The following BBS9 variants were observed in gnomAD, a reference collection of about 807,000 sequenced individuals.
BBS9 encodes the protein protein PTHB1.
A neutral mutation model predicts 117.7 loss-of-function variants in BBS9; 89 were observed. The ratio of observed to expected loss-of-function variants is 0.76; its 90% confidence interval spans 0.64 to 0.90. The LOEUF is 0.90. Among genes scored for constraint, BBS9 ranks in the 40% least tolerant of loss-of-function variants. The pLI, the probability that BBS9 is intolerant of heterozygous loss-of-function variation, is 0.00. For synonymous variants in BBS9, 379 were observed against 370.9 expected, an observed-to-expected ratio of 1.02 and a Z score of -0.25; for missense variants, 982 against 1,042.2, an observed-to-expected ratio of 0.94 and a Z score of 0.80.
chr7:33,371,332 T>A (rs958008083), intron 17 of BBS9, among the ~76,000 whole-genome samples: 1 of 152,176 alleles, frequency 6.6e-6, no homozygotes, highest in Non-Finnish European at 1.5e-5. Flanking sequence ...TGGTCTAAGC[T>A]GCAGCCTGAT....
At chr7:33,235,183 G>A (rs1793246121) in intron 5 of BBS9, among the ~76,000 whole-genome samples, 1 of 151,964 alleles carries the variant, frequency 6.6e-6, no homozygotes, top group African/African-American at 2.4e-5. Flanking sequence ...TAGTTTAAGT[G>A]GCATCATTTA....
chr7:33,250,549 T>C (rs545780504), intron 5 of BBS9, among the ~76,000 whole-genome samples: 20 of 152,340 alleles, frequency 1.3e-4, no homozygotes, highest in Middle Eastern at 3.4e-3. Context: ...CCATTATCTG[T>C]AAGGGGAGCC....
chr7:33,165,563 C>T (rs529290043), intron 4 of BBS9, among the ~76,000 whole-genome samples: 47 of 151,690 alleles, frequency 3.1e-4, no homozygotes, highest in Non-Finnish European at 5.0e-4. Flanking sequence ...CTTCTCTTCT[C>T]GCTTTATGTC....
chr7:33,433,945 TGTA>T (rs1332133746), intron 19 of BBS9, among the ~76,000 whole-genome samples: 1 of 152,104 alleles, frequency 6.6e-6, no homozygotes, highest in Non-Finnish European at 1.5e-5. Flanking sequence ...AAGTTCATGT[TGTA>T]TATGCAGTTT....
chr7:33,395,387 A>G (rs930082093), intron 19 of BBS9, among the ~76,000 whole-genome samples: 4 of 152,178 alleles, frequency 2.6e-5, no homozygotes, highest in Admixed American at 2.6e-4. Context: ...AGCAAGACTG[A>G]TTGGTTGAGT....
intron 5 of BBS9, 178 bp downstream of exon 5, chr7:33,177,769 T>G (rs1583485389): frequency 1.7e-6 from 1 of 605,310 alleles, no homozygotes; most frequent in East Asian, 2.9e-5. Context: ...TGAATGTGCC[T>G]GATATCGTCT....
At chr7:33,622,078 C>T (rs1449534404) in intron 21 of BBS9, among the ~76,000 whole-genome samples, 1 of 152,104 alleles carries the variant, frequency 6.6e-6, no homozygotes, top group Non-Finnish European at 1.5e-5. Context: ...AGTGTGGTGG[C>T]ACGCACCTGT....
chr7:33,505,220 G>T (rs575312717), intron 19 of BBS9, among the ~76,000 whole-genome samples: 3 of 152,142 alleles, frequency 2.0e-5, no homozygotes, highest in African/African-American at 7.2e-5. Context: ...TCCCTGCTAA[G>T]CTTATTTTGT....
At chr7:33,579,869 AAAT>A (rs1399306962) in intron 21 of BBS9, among the ~76,000 whole-genome samples, 1 of 152,178 alleles carries the variant, frequency 6.6e-6, no homozygotes, top group African/African-American at 2.4e-5. Context: ...ACCAACCAAA[AAAT>A]GTAATCTATA....
rs116533028 is a variant in BBS9 at position 33,177,822 on chromosome 7, A to G, written c.442+231A>G. ...AGGGTCAGGCCTGGTTAGTACTTGG[A>G]TAGGAGACCAAATACCCAATCAAAA... On this transcript the variant is annotated intron_variant, in intron 5 of 22. Coordinates refer to ENST00000242067, the MANE Select transcript of BBS9 (RefSeq NM_198428.3). 551 of 491,918 alleles carry G rather than the reference A, an allele frequency of 1.1e-3. 2 individuals carry two copies. The highest frequency in any genetic ancestry group is 9.6e-3 in the African/African-American group (497 of 51,796). 30.5% of individuals were successfully genotyped at this position (491,918 alleles called of 1,614,324 possible). A position where few individuals can be genotyped will look rare whatever the true frequency, so the allele number is the denominator to read the frequency against.
At chr7:33,567,663 A>T (rs1401439928) in intron 21 of BBS9, among the ~76,000 whole-genome samples, 1 of 152,120 alleles carries the variant, frequency 6.6e-6, no homozygotes, top group Non-Finnish European at 1.5e-5. Flanking sequence ...CTCAATTTGA[A>T]TTCTCACCAG....
At chr7:33,510,995 T>A (rs952484181) in intron 20 of BBS9, among the ~76,000 whole-genome samples, 4 of 152,184 alleles carry the variant, frequency 2.6e-5, no homozygotes, top group African/African-American at 9.7e-5. Context: ...CCAGACACTT[T>A]TAGGAACAAG....
intron 19 of BBS9, among the ~76,000 whole-genome samples, chr7:33,467,337 C>T (rs369804442): frequency 7.9e-5 from 12 of 152,226 alleles, no homozygotes; most frequent in African/African-American, 2.9e-4. Flanking sequence ...TATCACCTTC[C>T]AGCTCTATTT....
At chr7:33,513,317 T>C (rs538897812) in intron 20 of BBS9, among the ~76,000 whole-genome samples, 3 of 152,350 alleles carry the variant, frequency 2.0e-5, no homozygotes, top group East Asian at 1.9e-4. Context: ...TCCCATTCTC[T>C]TGTGAATTTC....
At chr7:33,243,742 A>G (rs371836699) in intron 5 of BBS9, among the ~76,000 whole-genome samples, 2 of 152,310 alleles carry the variant, frequency 1.3e-5, no homozygotes, top group African/African-American at 4.8e-5. Flanking sequence ...CTCAATTACT[A>G]TCCTATGTTA....
intron 14 of BBS9, chr7:33,351,898 A>C (rs572776664): frequency 6.2e-6 from 1 of 160,296 alleles, no homozygotes; most frequent in East Asian, 1.8e-4. Flanking sequence ...TAGTATTTGA[A>C]AAGGCAGCAT....
intron 19 of BBS9, among the ~76,000 whole-genome samples, chr7:33,417,870 G>A (rs915635562): frequency 1.3e-5 from 2 of 152,106 alleles, no homozygotes; most frequent in Admixed American, 1.3e-4. Context: ...AACAACAAAG[G>A]TTTCTACTGA....
chr7:33,434,950 T>G (rs1835081582), intron 19 of BBS9, among the ~76,000 whole-genome samples: 1 of 152,160 alleles, frequency 6.6e-6, no homozygotes, highest in Non-Finnish European at 1.5e-5. Flanking sequence ...TGTGACTCCA[T>G]TACTTCATTT....
intron 4 of BBS9, among the ~76,000 whole-genome samples, chr7:33,159,680 G>A (rs1301013931): frequency 6.6e-6 from 1 of 152,152 alleles, no homozygotes. Context: ...CTGGTCTCAG[G>A]ATGTCATTCA....
Sources: gnomAD v4.1 joint callset for allele counts (sites outside exome capture counted in the v4.1 genomes callset) on GRCh38, gnomAD v4.1.1 for gene constraint, MANE v1.5 for transcripts, NCBI Gene and HGNC (gene_info 2026-07-23, HGNC 2026-07-21) for gene names.